Variants in DOCK9 observed in about 807,000 individuals in gnomAD.
The protein encoded by DOCK9 is dedicator of cytokinesis 9.
In DOCK9, 89 loss-of-function variants were observed where a neutral mutation model predicts 263.3. The observed-to-expected ratio is 0.34, with a 90% confidence interval of 0.28 to 0.40. The LOEUF (loss-of-function observed/expected upper bound fraction) is 0.40, where lower values mean the gene tolerates loss of function less well. Among genes scored for constraint, DOCK9 ranks in the 10% least tolerant of loss-of-function variants. The pLI is 1.00. For missense variants in DOCK9, 2,140 were observed against 2,603.4 expected (o/e 0.82, Z 3.87); for synonymous variants, 976 against 973.1 (o/e 1.00, Z -0.06).
intron 2 of DOCK9, chr13:98,950,502 T>G (rs1211720621): frequency 2.2e-6 from 1 of 454,472 alleles, no homozygotes; most frequent in East Asian, 4.2e-5. Flanking sequence ...GAGGTCTTGC[T>G]GTGCTGTCCA....
At chr13:99,012,023 A>G (rs1884572378) in intron 1 of DOCK9, among the ~76,000 whole-genome samples, 1 of 152,046 alleles carries the variant, frequency 6.6e-6, no homozygotes, top group Non-Finnish European at 1.5e-5. Flanking sequence ...GGGTTTCACC[A>G]TGTTGCTCAG....
At chr13:99,069,666 C>CAGATGACCACCAA (rs1440239825) in intron 1 of DOCK9, among the ~76,000 whole-genome samples, 1 of 152,316 alleles carries the variant, frequency 6.6e-6, no homozygotes, top group East Asian at 1.9e-4. Context: ...GAAGCTGGAC[C>CAGATGACCACCAA]AGATGACCAC....
At chr13:99,046,794 C>G (rs117093860) in intron 1 of DOCK9, among the ~76,000 whole-genome samples, 2,466 of 152,350 alleles carry the variant, frequency 0.016, 42 homozygotes, top group South Asian at 0.057. Flanking sequence ...CATCTAACTC[C>G]TGACCTCTTA....
Position 98,994,297 on chromosome 13 carries a change from C to A in DOCK9, c.130-38746G>T, listed in dbSNP as rs777645984. Among the ~76,000 whole-genome samples, 5 of 152,214 alleles carry A rather than the reference C, an allele frequency of 3.3e-5. No homozygotes were observed. In the South Asian group the frequency reaches 1.0e-3, roughly 32 times the overall value. ...GGTATTCTAATCTAGTGGTTCCCCA[C>A]TGGGGGTGATTTTACCCTCCAGCAG... On this transcript the variant is annotated intron_variant, in intron 1 of 32. Transcript: ENST00000427887.
intron 1 of DOCK9, among the ~76,000 whole-genome samples, chr13:99,012,676 A>G (rs972139267): frequency 6.6e-6 from 1 of 152,214 alleles, no homozygotes; most frequent in African/African-American, 2.4e-5. Flanking sequence ...GGCTCCCTTA[A>G]GAAATGCGTC....
chr13:98,904,204 T>C (rs2048750249), intron 10 of DOCK9, among the ~76,000 whole-genome samples: 1 of 152,204 alleles, frequency 6.6e-6, no homozygotes, highest in African/African-American at 2.4e-5. Context: ...CACACATACG[T>C]ATGGTTATGA....
chr13:99,077,940 T>C (rs2041976116), intron 1 of DOCK9, among the ~76,000 whole-genome samples: 2 of 152,070 alleles, frequency 1.3e-5, no homozygotes, highest in Non-Finnish European at 2.9e-5. Flanking sequence ...GACTGATTCA[T>C]GACAGAAAGT....
rs530709362 is a variant in DOCK9, at chr13:98,822,973, G to A, written c.5130+1425C>T. On this transcript the variant is annotated intron_variant, in intron 45 of 52. Transcript: ENST00000682017. The stretch of plus-strand genomic sequence containing the variant: ...TTCGTAGATTTTAAGAATTATTGAG[G>A]ACCTCAAAGTTTATGTGACTGTTCT... Among the ~76,000 whole-genome samples the A allele has an allele frequency of 3.3e-5, 5 of 151,740 alleles. No individual in the cohort carries two copies. The East Asian group carries it at 9.7e-4, about 29-fold the overall frequency.
intron 9 of DOCK9, among the ~76,000 whole-genome samples, chr13:98,908,771 G>C (rs1162344757): frequency 3.3e-5 from 5 of 152,220 alleles, no homozygotes; most frequent in African/African-American, 4.8e-5. Context: ...TGTGGGAATG[G>C]AGGATGAAGG....
intron 38 of DOCK9, among the ~76,000 whole-genome samples, chr13:98,839,380 A>T (rs1486653953): frequency 1.3e-5 from 2 of 152,236 alleles, no homozygotes; most frequent in African/African-American, 4.8e-5. Context: ...GTTTGGTAAG[A>T]TACAGAGACA....
intron 2 of DOCK9, among the ~76,000 whole-genome samples, chr13:98,932,952 G>C (rs2054200936): frequency 6.6e-6 from 1 of 152,052 alleles, no homozygotes; most frequent in South Asian, 2.1e-4. Flanking sequence ...CCATAAGCAT[G>C]GAAGACAGGC....
Position 98,794,491 on chromosome 13 carries a change from G to C in DOCK9, c.*135C>G, listed in dbSNP as rs1292469486. Reference sequence around the variant, plus strand: ...TATAGAAAGTCTGTTAAGAAATAACGTTGTTCTTTATTTCCTTTCTCTCCC... The same window carrying C: ...TATAGAAAGTCTGTTAAGAAATAACCTTGTTCTTTATTTCCTTTCTCTCCC... On this transcript the variant is annotated 3_prime_UTR_variant, in exon 53 of 53. Transcript: ENST00000682017. The C allele has an allele frequency of 3.2e-6, 3 of 946,368 alleles. No homozygotes were observed. The highest frequency in any genetic ancestry group is 3.4e-5 in the African/African-American group (2 of 59,568). 58.6% of individuals were successfully genotyped at this position (946,368 alleles called of 1,614,324 possible).
intron 1 of DOCK9, among the ~76,000 whole-genome samples, chr13:99,078,476 C>A (rs753097554): frequency 1.3e-5 from 2 of 152,094 alleles, no homozygotes; most frequent in Non-Finnish European, 2.9e-5. Context: ...CCTGAGAGGC[C>A]GCCCCACACT....
intron 1 of DOCK9, among the ~76,000 whole-genome samples, chr13:99,019,331 T>C (rs1264696558): frequency 3.9e-5 from 6 of 152,220 alleles, no homozygotes; most frequent in Admixed American, 3.3e-4. Context: ...CAAATGTATA[T>C]ATAATCTATA....
intron 7 of DOCK9, 130 bp from the exon 8 acceptor site, chr13:98,915,633 C>G: frequency 1.2e-6 from 1 of 839,392 alleles, no homozygotes; most frequent in Non-Finnish European, 1.7e-6. Context: ...TAGCTTGCCC[C>G]CTCCTCATGA....
At chr13:98,982,735 A>T (rs1877500363), upstream of DOCK9, among the ~76,000 whole-genome samples, 1 of 152,214 alleles carries the variant, frequency 6.6e-6, no homozygotes, top group African/African-American at 2.4e-5. Flanking sequence ...ATTAAGGCAG[A>T]AGCTTTCAAT....
chr13:98,824,298 T>C, intron 45 of DOCK9, 100 bp downstream of exon 45: 1 of 977,888 alleles, frequency 1.0e-6, no homozygotes, highest in Non-Finnish European at 1.6e-6. Flanking sequence ...AAGTAGCAGC[T>C]ACAGGGAGGA....
At chr13:98,828,397 A>G (rs2092628839) in intron 43 of DOCK9, among the ~76,000 whole-genome samples, 1 of 152,266 alleles carries the variant, frequency 6.6e-6, no homozygotes, top group African/African-American at 2.4e-5. Flanking sequence ...AGAATGATAG[A>G]AAAGTTACTT....
chr13:98,983,185 CT>C (rs1877624219), intron 1 of DOCK9, among the ~76,000 whole-genome samples: 1 of 152,170 alleles, frequency 6.6e-6, no homozygotes. Flanking sequence ...CTTGTGTATA[CT>C]CCAAAGTTAT....
Sources: gnomAD v4.1 joint callset for allele counts (sites outside exome capture counted in the v4.1 genomes callset) on GRCh38, gnomAD v4.1.1 for gene constraint, MANE v1.5 for transcripts, NCBI Gene and HGNC (gene_info 2026-07-23, HGNC 2026-07-21) for gene names.